The following DAAM1 variants were observed in gnomAD, a reference collection of about 807,000 sequenced individuals.
DAAM1 encodes disheveled-associated activator of morphogenesis 1.
DAAM1 carries 52 observed loss-of-function variants against 130.0 expected under a neutral mutation model. The ratio of observed to expected loss-of-function variants is 0.40; its 90% CI spans 0.32 to 0.50. DAAM1 has a LOEUF of 0.50. Ranked by LOEUF, DAAM1 falls within the 20% of genes least tolerant of loss-of-function variation. The pLI is 0.61. For missense variants in DAAM1, 1,134 were observed against 1,303.8 expected (o/e 0.87, Z 2.01); for synonymous variants, 452 against 444.5 (o/e 1.02, Z -0.21).
intron 1 of DAAM1, among the ~76,000 whole-genome samples, chr14:59,247,329 C>T (rs936296589): frequency 6.6e-6 from 1 of 152,100 alleles, no homozygotes; most frequent in Non-Finnish European, 1.5e-5. Context: ...ACAAGACCTC[C>T]AGCTTTGTTC....
At chr14:59,347,239 A>G (rs1886119608) in intron 16 of DAAM1, among the ~76,000 whole-genome samples, 1 of 152,188 alleles carries the variant, frequency 6.6e-6, no homozygotes, top group African/African-American at 2.4e-5. Flanking sequence ...TGTGAAAGAA[A>G]ACAATTGTGT....
rs1215783361 is a variant in DAAM1 at position 59,323,101 on chromosome 14, T to C, written c.650T>C (p.Ile217Thr). 6.2e-7 allele frequency: 1 copy of C among 1,613,652 alleles called. No homozygotes were observed. The highest frequency in any genetic ancestry group is 1.7e-5 in the Admixed American group (1 of 60,000). The change falls in exon 6 of 25, where the codon ATT (isoleucine) becomes ACT (threonine). Residue 217 changes from isoleucine to threonine, a missense_variant. Physicochemically the swap from Ile to Thr is moderately conservative, Grantham distance 89. Coordinates refer to ENST00000360909, the MANE Select transcript of DAAM1 (RefSeq NM_001270520.2). The part of the protein sequence containing the change: ...VIAQSLSTEN[I>T]KTKVAVLEIL... ...GCTCAGAGTCTGAGCACAGAGAACA[T>C]TAAAACGAAGGTGGCCGTGCTGGAA...
At chr14:59,292,601 G>A (rs1445313124) in intron 3 of DAAM1, among the ~76,000 whole-genome samples, 1 of 152,188 alleles carries the variant, frequency 6.6e-6, no homozygotes, top group East Asian at 1.9e-4. Context: ...CTGAATCACT[G>A]CATTGTCATT....
intron 1 of DAAM1, among the ~76,000 whole-genome samples, chr14:59,231,891 A>G (rs1889119521): frequency 6.6e-6 from 1 of 152,176 alleles, no homozygotes; most frequent in South Asian, 2.1e-4. Flanking sequence ...TCCCAGTGTG[A>G]TGGTATTTGG....
chr14:59,280,963 TC>T (rs1270104629), intron 2 of DAAM1, among the ~76,000 whole-genome samples: 2 of 152,180 alleles, frequency 1.3e-5, no homozygotes, highest in Non-Finnish European at 2.9e-5. Context: ...TTCCCTCTGT[TC>T]CCTGTTTCCT....
rs1884695480 is a variant in DAAM1, at chr14:59,314,113, C to T, written c.274-1167C>T. Among the ~76,000 whole-genome samples the T allele has an allele frequency of 9.2e-5, 14 of 152,152 alleles. 1 individual carries two copies. Among genetic ancestry groups the T allele is most frequent in the Admixed American group, 9.2e-4 (14 of 15,276 alleles). ...TTACAGAAAGTGTTTTTTCGAGGCA[C>T]AGTATAGGACTGAAATTAAATGCCC... is the stretch of plus-strand genomic sequence containing the variant. On this transcript the variant is annotated intron_variant, in intron 3 of 24. Coordinates refer to ENST00000360909, the MANE Select transcript of DAAM1 (RefSeq NM_001270520.2).
chr14:59,263,859 A>G, intron 2 of DAAM1, 199 bp downstream of exon 2: 1 of 655,476 alleles, frequency 1.5e-6, no homozygotes, highest in Non-Finnish European at 2.6e-6. Context: ...GTATTACTAC[A>G]TCCAAGTGCT....
intron 23 of DAAM1, among the ~76,000 whole-genome samples, chr14:59,367,223 G>T (rs969144273): frequency 1.3e-5 from 2 of 152,044 alleles, no homozygotes; most frequent in African/African-American, 4.8e-5. Context: ...GAGAGACAGA[G>T]GTTGCAGTGA....
At chr14:59,228,817 A>G (rs1483196548) in intron 1 of DAAM1, among the ~76,000 whole-genome samples, 1 of 152,168 alleles carries the variant, frequency 6.6e-6, no homozygotes, top group Non-Finnish European at 1.5e-5. Flanking sequence ...TGTAGATCAA[A>G]AGGTTACTTT....
intron 1 of DAAM1, among the ~76,000 whole-genome samples, chr14:59,239,412 AAGAG>A (rs920203570): frequency 6.6e-6 from 1 of 152,108 alleles, no homozygotes; most frequent in Non-Finnish European, 1.5e-5. Flanking sequence ...TAGATGGAAA[AAGAG>A]AGAGGTGTAG....
intron 1 of DAAM1, among the ~76,000 whole-genome samples, chr14:59,202,610 A>G (rs750323242): frequency 2.6e-5 from 4 of 152,190 alleles, no homozygotes; most frequent in Non-Finnish European, 4.4e-5. Context: ...TGTAGTACAG[A>G]AGTCTTGTTT....
intron 1 of DAAM1, among the ~76,000 whole-genome samples, chr14:59,219,804 T>G (rs576064907): frequency 2.6e-5 from 4 of 152,328 alleles, no homozygotes; most frequent in African/African-American, 9.6e-5. Context: ...CTTCTTACTG[T>G]AGGATCCTGC....
intron 17 of DAAM1, among the ~76,000 whole-genome samples, chr14:59,349,275 C>T (rs1886197431): frequency 1.3e-5 from 2 of 152,266 alleles, no homozygotes; most frequent in South Asian, 4.1e-4. Flanking sequence ...TAAAATTCCA[C>T]AAGATCTGTT....
intron 3 of DAAM1, among the ~76,000 whole-genome samples, chr14:59,295,970 A>G (rs1377409661): frequency 6.6e-6 from 1 of 152,212 alleles, no homozygotes; most frequent in African/African-American, 2.4e-5. Context: ...CAGTAAAAGT[A>G]AAAAAACTAG....
intron 2 of DAAM1, among the ~76,000 whole-genome samples, chr14:59,275,004 C>T (rs1336434141): frequency 6.6e-6 from 1 of 152,120 alleles, no homozygotes; most frequent in East Asian, 1.9e-4. Flanking sequence ...TGTCTTTTGA[C>T]CCAATTAAAG....
At position 59,367,604 on chromosome 14, in the gene DAAM1, G is replaced by GAGGATGATTA; in HGVS notation, c.2997+7_2997+16dup. ...CGAGCTCGCATGGAAGCTCAGGTGA[G>GAGGATGATTA]AGGATGATTAATTGACCAATTCCAC... On this transcript the variant is annotated splice_donor_region_variant and intron_variant, in intron 24 of 24. Coordinates refer to ENST00000360909, the MANE Select transcript of DAAM1 (RefSeq NM_001270520.2). 6.2e-7 allele frequency: 1 copy of GAGGATGATTA among 1,611,182 alleles called. No homozygotes were observed. The highest frequency in any genetic ancestry group is 8.5e-7 in the Non-Finnish European group (1 of 1,178,406).
chr14:59,229,507 A>G (rs1889040485), intron 1 of DAAM1, among the ~76,000 whole-genome samples: 1 of 152,242 alleles, frequency 6.6e-6, no homozygotes, highest in Non-Finnish European at 1.5e-5. Context: ...AGGTAAAACC[A>G]AGAATAAACA....
At position 59,263,575 on chromosome 14, in the gene DAAM1, A is replaced by G. The variant is rs1882282364; in HGVS notation, c.98A>G (p.Asp33Gly). 6.2e-7 allele frequency: 1 copy of G among 1,614,204 alleles called. No homozygotes were observed. The highest frequency in any genetic ancestry group is 8.5e-7 in the Non-Finnish European group (1 of 1,180,032). ...HPEITYRLRN[D>G]SNFALQTMEP... is the part of the protein sequence containing the mutation. ...GAAATCACGTATCGGCTGCGAAATG[A>G]TAGCAACTTTGCGCTTCAGACCATG... The change falls in exon 2 of 25, where the codon GAT (aspartate) becomes GGT (glycine). Residue 33 changes from aspartate to glycine, a missense_variant. Asp to Gly is a moderately conservative substitution (Grantham distance 94). Transcript: ENST00000360909.
intron 17 of DAAM1, among the ~76,000 whole-genome samples, chr14:59,350,186 G>A (rs1216359689): frequency 2.0e-5 from 3 of 152,058 alleles, no homozygotes; most frequent in Admixed American, 2.0e-4. Context: ...ATCTACTTCT[G>A]TCTTCCCCCA....
Sources: allele counts gnomAD v4.1 joint callset (sites outside exome capture counted in the v4.1 genomes callset), GRCh38; gene constraint gnomAD v4.1.1; transcripts MANE v1.5; gene names NCBI Gene and HGNC (gene_info 2026-07-23, HGNC 2026-07-21).